The following MATR3 variants were observed in gnomAD, a reference collection of about 807,000 sequenced individuals.
MATR3 encodes the protein matrin 3, also known as matrin-3.
MATR3 carries 4 observed loss-of-function variants against 85.5 expected under a neutral mutation model. The observed-to-expected ratio is 0.05, with a 90% CI of 0.02 to 0.11. The LOEUF (loss-of-function observed/expected upper bound fraction) is 0.11, where lower values mean the gene tolerates loss of function less well. Among genes scored for constraint, MATR3 ranks in the 10% least tolerant of loss-of-function variants. The pLI, the probability that MATR3 is intolerant of heterozygous loss-of-function variation, is 1.00. For missense variants in MATR3, 685 were observed against 1,016.1 expected, an observed-to-expected ratio of 0.67 and a Z score of 4.43; for synonymous variants, 336 against 343.1, an observed-to-expected ratio of 0.98 and a Z score of 0.23.
intron 2 of MATR3, among the ~76,000 whole-genome samples, chr5:139,276,937 G>C (rs1332292765): frequency 6.6e-6 from 1 of 152,086 alleles, no homozygotes; most frequent in Admixed American, 6.5e-5. Context: ...GGGGCTCTGG[G>C]AACTGAACAA....
chr5:139,312,798 C>T (rs1755056930), intron 2 of MATR3: 1 of 152,102 alleles, frequency 6.6e-6, no homozygotes, highest in African/African-American at 2.4e-5. Context: ...ATTACAGGCA[C>T]CTGCCACCAT....
intron 3 of MATR3, chr5:139,282,641 C>T (rs553432489): frequency 6.6e-6 from 1 of 152,264 alleles, no homozygotes; most frequent in East Asian, 1.9e-4. Flanking sequence ...ATGGTTGTCA[C>T]AATTAAATGG....
rs1416446045 is a variant in MATR3 at position 139,325,793 on chromosome 5, G to C, written c.2371+131G>C. On this transcript the variant is annotated intron_variant, in intron 13 of 14. Transcript: ENST00000394805. ...TTTTAAATTTGCTTTGTTTCTATGG[G>C]GAACAATTTATAAATCTTAATTGAT... is the stretch of plus-strand genomic sequence containing the variant. 3 of 773,928 alleles carry C rather than the reference G, an allele frequency of 3.9e-6. No homozygotes were observed. In the African/African-American group the frequency reaches 5.3e-5, roughly 14 times the overall value. The allele number at this position is 773,928 out of a possible 1,614,324, so 47.9% of individuals were successfully genotyped here. A position where few individuals can be genotyped will look rare whatever the true frequency, so the allele number is the denominator to read the frequency against.
intron 3 of MATR3, chr5:139,279,165 A>G: frequency 4.4e-6 from 2 of 454,080 alleles, no homozygotes; most frequent in Non-Finnish European, 8.8e-6. Flanking sequence ...TCCCAATTAA[A>G]TTACTATAGC....
rs1398774005 is a variant in MATR3, at chr5:139,307,307, C to CG, written c.-109_-108insG. ...TATTGATCCTTTTTCTTGGCGTTAC[C>CG]ATTTTTGAAGCAAAGTTAACCTAGC... On this transcript the variant is annotated 5_prime_UTR_variant, in exon 2 of 15. Coordinates refer to ENST00000394805, the MANE Select transcript of MATR3 (RefSeq NM_018834.6). This position sits in a 1 kb window ranked among gnomAD's most constrained non-coding sequence, Gnocchi z 4.4. 44 of 1,279,102 alleles carry CG rather than the reference C, an allele frequency of 3.4e-5. No individual in the cohort carries two copies. The highest frequency in any genetic ancestry group is 4.5e-5 in the Non-Finnish European group (43 of 964,040). 79.2% of individuals were successfully genotyped at this position (1,279,102 alleles called of 1,614,324 possible).
chr5:139,322,964 A>G lies in MATR3; in HGVS notation c.2145A>G (p.Lys715=). 6.2e-7 allele frequency: 1 copy of G among 1,614,114 alleles called. No homozygotes were observed. Among genetic ancestry groups the G allele is most frequent in the South Asian group, 1.1e-5 (1 of 91,064 alleles). ...CAGCAGCAGCAAAGAAAAAGCTTAA[A>G]AAGGTAAAGAAAGATACATTGATTT... The part of the protein sequence containing the change: ...SASAAAKKKL[K]KVDKIEELDQ... The change falls in exon 12 of 15, where the codon AAA becomes AAG. Residue 715 remains lysine (K), a synonymous_variant. Coordinates refer to ENST00000394805, the MANE Select transcript of MATR3 (RefSeq NM_018834.6).
At chr5:139,288,061 A>G (rs1469192542) in intron 3 of MATR3, among the ~76,000 whole-genome samples, 1 of 151,938 alleles carries the variant, frequency 6.6e-6, no homozygotes, top group African/African-American at 2.4e-5. Context: ...AAATACCAAA[A>G]AAAAATTAGC....
Position 139,330,879 on chromosome 5 carries a change from C to G in MATR3, c.*1484C>G. On this transcript the variant is annotated 3_prime_UTR_variant, in exon 15 of 15. Transcript: ENST00000394805. ...GTGGCACAGTTCTCTGCAACCTCAG[C>G]CTTTGGGCTCAAATGACCCTCCTAC... The G allele has an allele frequency of 2.2e-6, 1 of 453,968 alleles. No homozygotes were observed. Among genetic ancestry groups the G allele is most frequent in the South Asian group, 1.6e-5 (1 of 64,452 alleles). The allele number at this position is 453,968 out of a possible 1,614,324, so 28.1% of individuals were successfully genotyped here. A position where few individuals can be genotyped will look rare whatever the true frequency, so the allele number is the denominator to read the frequency against.
rs760664137 is a variant in MATR3, at chr5:139,331,029, G to A, written c.*1634G>A. The A allele has an allele frequency of 4.4e-6, 2 of 454,088 alleles. No homozygotes were observed. Among genetic ancestry groups the A allele is most frequent in the South Asian group, 3.1e-5 (2 of 64,476 alleles). 28.1% of individuals were successfully genotyped at this position (454,088 alleles called of 1,614,324 possible). ...TGATCTTGAATTCCTGGGCCCAAGTGATCTGCTCGCTTCAGCCTCCCAAAG... is the reference window on the plus strand; with the variant it reads ...TGATCTTGAATTCCTGGGCCCAAGTAATCTGCTCGCTTCAGCCTCCCAAAG... On this transcript the variant is annotated 3_prime_UTR_variant, in exon 15 of 15. Transcript: ENST00000394805.
rs781050726 is a variant in MATR3, at chr5:139,329,372, C to G, written c.2521C>G (p.Arg841Gly). 3.1e-6 allele frequency: 5 copies of G among 1,611,888 alleles called. No individual in the cohort carries two copies. The South Asian group carries it at 4.4e-5, about 14-fold the overall frequency. The change falls in exon 15 of 15, where the codon CGC (arginine) becomes GGC (glycine). Residue 841 changes from arginine (R) to glycine (G), a missense_variant. Arg to Gly is a moderately radical substitution (Grantham distance 125, BLOSUM62 -2). Around this residue, in one of 9 missense-constraint regions of MATR3, gnomAD observed 45 missense variants for 82.5 expected, o/e 0.55. Transcript: ENST00000394805. ...ATTTCTGAATAAATTGGCAGAAGAA[C>G]GCAGACAGAAGAAGGAAACTTAAGA... ...KKFLNKLAEE[R>G]RQKKET
intron 10 of MATR3, 96 bp from the exon 11 acceptor site, chr5:139,322,367 C>G (rs1232032676): frequency 5.3e-6 from 6 of 1,142,398 alleles, no homozygotes; most frequent in Middle Eastern, 2.0e-4. Context: ...ATTGAATAAG[C>G]TGAGTTGATT....
At chr5:139,275,142 ATTTTTTTTTT>A (rs750841386) in intron 1 of MATR3, among the ~76,000 whole-genome samples, 126 of 40,912 alleles carry the variant, frequency 3.1e-3, no homozygotes, top group Non-Finnish European at 4.7e-3. Context: ...CGCCCGGCTA[ATTTTTTTTTT>A]TTTTTTTTTT....
At chr5:139,315,126 C>T (rs1755177133) in intron 3 of MATR3, 2 of 197,644 alleles carry the variant, frequency 1.0e-5, no homozygotes, top group Non-Finnish European at 1.0e-5. Flanking sequence ...AATTCATTGT[C>T]CAGCAAAATC....
At chr5:139,291,620 C>G (rs956087194), upstream of MATR3, among the ~76,000 whole-genome samples, 1 of 152,326 alleles carries the variant, frequency 6.6e-6, no homozygotes, top group Non-Finnish European at 1.5e-5. Context: ...TTCACCGCAA[C>G]CTCCGCCTCC....
chr5:139,317,108 C>T lies in MATR3; in HGVS notation c.1182+3C>T, dbSNP rs777346049. On this transcript the variant is annotated splice_donor_region_variant and intron_variant, in intron 6 of 14. Coordinates refer to ENST00000394805, the MANE Select transcript of MATR3 (RefSeq NM_018834.6). The stretch of plus-strand genomic sequence containing the variant: ...GACACATGCAGAAAGGCAGAGTGGT[C>T]AGTAATGAAGCTTTTGGTTTTACTG... 1.5e-5 allele frequency: 24 copies of T among 1,588,540 alleles called. No individual in the cohort carries two copies. The highest frequency in any genetic ancestry group is 5.2e-6 in the Non-Finnish European group (6 of 1,158,856).
intron 2 of MATR3, chr5:139,311,711 A>G (rs1484857759): frequency 6.9e-6 from 1 of 144,912 alleles, no homozygotes; most frequent in East Asian, 2.2e-4. Flanking sequence ...TTTAGTTCAG[A>G]GAATTGTAAG....
chr5:139,321,639 C>G (rs893438189), intron 9 of MATR3, among the ~76,000 whole-genome samples: 2 of 152,158 alleles, frequency 1.3e-5, no homozygotes, highest in South Asian at 4.2e-4. Context: ...AAAAATTAGC[C>G]AGGCATTGGT....
At chr5:139,311,734 ATTTG>A (rs1361896300) in intron 2 of MATR3, 1 of 93,392 alleles carries the variant, frequency 1.1e-5, no homozygotes, top group Non-Finnish European at 2.0e-5. Context: ...GTTAATTGGT[ATTTG>A]TTTAATTAAT....
intron 1 of MATR3, among the ~76,000 whole-genome samples, chr5:139,302,759 A>G (rs2151947567): frequency 6.6e-6 from 1 of 152,332 alleles, no homozygotes; most frequent in South Asian, 2.1e-4. Flanking sequence ...CTAAATTGGT[A>G]TTGTTGATTG....
Sources: gnomAD v4.1 joint callset for allele counts (sites outside exome capture counted in the v4.1 genomes callset) on GRCh38, gnomAD v4.1.1 for gene constraint, gnomAD v4.1.1 regional missense constraint, Gnocchi (gnomAD v3.1) non-coding constraint, MANE v1.5 for transcripts, NCBI Gene and HGNC (gene_info 2026-07-23, HGNC 2026-07-21) for gene names.